The following KCNAB2 variants were observed in gnomAD, a reference collection of about 807,000 sequenced individuals.
KCNAB2 encodes voltage-gated potassium channel subunit beta-2.
Under a neutral mutation model 63.6 loss-of-function variants are expected in KCNAB2, and 29 were observed. The ratio of observed to expected loss-of-function variants is 0.46; its 90% CI spans 0.34 to 0.62. The LOEUF is 0.62. Among genes scored for constraint, KCNAB2 ranks in the 20% least tolerant of loss-of-function variants. The pLI is 0.01. For missense variants in KCNAB2, 359 were observed against 563.9 expected, an observed-to-expected ratio of 0.64 and a Z score of 3.68; for synonymous variants, 222 against 224.2, an observed-to-expected ratio of 0.99 and a Z score of 0.09.
intron 7 of KCNAB2, 134 bp from the exon 8 acceptor site, chr1:6,088,874 A>T: frequency 1.6e-6 from 1 of 609,436 alleles, no homozygotes; most frequent in Middle Eastern, 3.3e-4. Flanking sequence ...CCCTACCCCC[A>T]AAGTGGAATC....
At chr1:6,008,898 G>A (rs1351671682) in intron 1 of KCNAB2, among the ~76,000 whole-genome samples, 1 of 152,194 alleles carries the variant, frequency 6.6e-6, no homozygotes, top group South Asian at 2.1e-4. Context: ...GAAGCCTCTG[G>A]CCTGGGCGGA....
chr1:6,023,674 A>G (rs942542827), intron 1 of KCNAB2, among the ~76,000 whole-genome samples: 10 of 152,138 alleles, frequency 6.6e-5, no homozygotes, highest in Non-Finnish European at 1.5e-4. Flanking sequence ...TTAGTTCTCT[A>G]TGTATTCTGG....
At chr1:6,027,222 GTGTGT>G (rs1659253580) in intron 1 of KCNAB2, 1 of 334 alleles carries the variant, frequency 3.0e-3, no homozygotes, top group South Asian at 0.056. Context: ...GGGACACAGT[GTGTGT>G]GTGTGTGTGT....
rs1267320142 is a variant in KCNAB2, at chr1:6,025,022, C to T, written c.-52-15495C>T. Among the ~76,000 whole-genome samples, 5 of 152,216 alleles carry T rather than the reference C, an allele frequency of 3.3e-5. No individual in the cohort carries two copies. The South Asian group carries it at 6.2e-4, about 19-fold the overall frequency. ...GCTGTCCCCCAGCTCTCCGTCATGG[C>T]GCCTCGCTCTTTCTTTTTCATTTTC... is the stretch of plus-strand genomic sequence containing the variant. On this transcript the variant is annotated intron_variant, in intron 1 of 16. Transcript: ENST00000341524.
chr1:6,008,418 C>T, intron 1 of KCNAB2, among the ~76,000 whole-genome samples: 1 of 152,056 alleles, frequency 6.6e-6, no homozygotes, highest in East Asian at 1.9e-4. Context: ...GTCAGGAGTT[C>T]GAGACCAGCC....
chr1:6,036,013 G>T (rs142421970), intron 1 of KCNAB2: 1 of 152,454 alleles, frequency 6.6e-6, no homozygotes, highest in Non-Finnish European at 1.5e-5. Flanking sequence ...GATGGGCACC[G>T]CTGGACCTAG....
intron 8 of KCNAB2, 35 bp from the exon 9 acceptor site, chr1:6,090,354 C>T: frequency 6.6e-7 from 1 of 1,511,840 alleles, no homozygotes; most frequent in Non-Finnish European, 9.2e-7. Context: ...GATGGAGCCA[C>T]AGCAGTGACG....
At chr1:6,041,098 G>A (rs1660462444), upstream of KCNAB2, 1 of 160,328 alleles carries the variant, frequency 6.2e-6, no homozygotes, top group Non-Finnish European at 1.4e-5. Context: ...AACACTGGAG[G>A]GAGTGGGGGC....
chr1:6,016,283 G>T (rs144383709), intron 1 of KCNAB2, among the ~76,000 whole-genome samples: 1 of 152,330 alleles, frequency 6.6e-6, no homozygotes, highest in Non-Finnish European at 1.5e-5. Flanking sequence ...TCCGAGTGAG[G>T]GGTGGGTGGG....
intron 4 of KCNAB2, among the ~76,000 whole-genome samples, chr1:6,076,053 C>T (rs536973083): frequency 2.6e-5 from 4 of 152,368 alleles, no homozygotes; most frequent in African/African-American, 9.6e-5. Context: ...CTCTCTGGCC[C>T]ACAGTGCCTG....
At chr1:6,031,275 A>G (rs567790998), upstream of KCNAB2, among the ~76,000 whole-genome samples, 10 of 152,308 alleles carry the variant, frequency 6.6e-5, no homozygotes, top group East Asian at 1.9e-3. The surrounding 1 kb of genome is among the most constrained non-coding windows in gnomAD (Gnocchi z 4.1). Context: ...CAAGCAGCTC[A>G]GGTGGCTCCG....
intron 4 of KCNAB2, among the ~76,000 whole-genome samples, chr1:6,079,190 G>A (rs1663979864): frequency 1.3e-5 from 2 of 152,142 alleles, no homozygotes; most frequent in African/African-American, 4.8e-5. Flanking sequence ...CCAGGGCCTA[G>A]AGTGCCCCTC....
chr1:6,073,871 C>G lies in KCNAB2; in HGVS notation c.300+101C>G. 8.3e-7 allele frequency: 1 copy of G among 1,210,110 alleles called. No homozygotes were observed. The highest frequency in any genetic ancestry group is 1.2e-6 in the Non-Finnish European group (1 of 817,996). The allele number at this position is 1,210,110 out of a possible 1,614,324, so 75.0% of individuals were successfully genotyped here. ...ACCAGTGAGCACGTGCTCCCGGGAG[C>G]CAGCGCAGCAGCCTCCCTCCCTCTT... On this transcript the variant is annotated intron_variant, in intron 4 of 15. Coordinates refer to ENST00000378083, the MANE Select transcript of KCNAB2 (RefSeq NM_001199862.2). This position sits in a 1 kb window ranked among gnomAD's most constrained non-coding sequence, Gnocchi z 5.7.
At chr1:6,002,307 T>TGC (rs1476161163) in intron 1 of KCNAB2, among the ~76,000 whole-genome samples, 1 of 152,218 alleles carries the variant, frequency 6.6e-6, no homozygotes, top group Non-Finnish European at 1.5e-5. Context: ...GATACAATCC[T>TGC]GCTCTGAGCA....
In KCNAB2 at chr1:6,028,914, G is replaced by A. The variant is rs565210802; in HGVS notation, c.-52-11603G>A. On this transcript the variant is annotated intron_variant, in intron 1 of 16. Coordinates refer to the KCNAB2 transcript ENST00000341524. The surrounding 1 kb of genome is among the most constrained non-coding windows in gnomAD (Gnocchi z 4.0). ...GCCTTCTGGAACCTTTGAGCTTCCA[G>A]GATGATTCGGAATTTGGATGCAGCC... Among the ~76,000 whole-genome samples the A allele has an allele frequency of 9.8e-5, 15 of 152,338 alleles. No individual in the cohort carries two copies. The South Asian group carries it at 3.1e-3, about 32-fold the overall frequency.
chr1:6,093,977 C>A (rs1202991479), intron 10 of KCNAB2, among the ~76,000 whole-genome samples: 2 of 152,204 alleles, frequency 1.3e-5, no homozygotes, highest in Non-Finnish European at 2.9e-5. Flanking sequence ...TGCCGCCAAT[C>A]TGACTGTAAC....
rs1225038346 is a variant in KCNAB2 at position 6,100,239 on chromosome 1, C to T, written c.*1665C>T. 2 of 714,310 alleles carry T rather than the reference C, an allele frequency of 2.8e-6. No homozygotes were observed. Among genetic ancestry groups the T allele is most frequent in the African/African-American group, 1.8e-5 (1 of 55,960 alleles). 44.2% of individuals were successfully genotyped at this position (714,310 alleles called of 1,614,324 possible). ...GGGGCGAGGGGAGGAGGGGGATCAG[C>T]TTCTGCTATTACCGACCCCCCTTCA... On this transcript the variant is annotated 3_prime_UTR_variant, in exon 16 of 16. Coordinates refer to ENST00000378083, the MANE Select transcript of KCNAB2 (RefSeq NM_001199862.2).
rs1378758110 is a variant in KCNAB2 at position 6,071,231 on chromosome 1, C to T, written c.219-1524C>T. On this transcript the variant is annotated intron_variant, in intron 2 of 15. Transcript: ENST00000378083. The surrounding 1 kb of genome is among the most constrained non-coding windows in gnomAD (Gnocchi z 8.5). ...GACAGGAAAGAGGATAAACTGAGGA[C>T]ATCGCATCCTCCGAAGTTGGAAGTG... Among the ~76,000 whole-genome samples the T allele has an allele frequency of 2.6e-5, 4 of 152,186 alleles. No homozygotes were observed. The highest frequency in any genetic ancestry group is 9.7e-5 in the African/African-American group (4 of 41,446).
intron 13 of KCNAB2, 73 bp downstream of exon 13, chr1:6,095,697 C>T (rs970084502): frequency 1.1e-5 from 15 of 1,405,952 alleles, no homozygotes; most frequent in East Asian, 2.3e-5. Context: ...TTTGGGCCGA[C>T]TGCTTTGGTG....
Sources: gnomAD v4.1 joint callset for allele counts (sites outside exome capture counted in the v4.1 genomes callset) on GRCh38, gnomAD v4.1.1 for gene constraint, Gnocchi (gnomAD v3.1) non-coding constraint, MANE v1.5 for transcripts, NCBI Gene and HGNC (gene_info 2026-07-23, HGNC 2026-07-21) for gene names.